The following KIF13B variants were observed in gnomAD, a reference collection of about 807,000 sequenced individuals.
KIF13B encodes kinesin-like protein KIF13B.
KIF13B carries 127 observed loss-of-function variants against 222.0 expected under a neutral mutation model. The observed-to-expected ratio is 0.57, with a 90% confidence interval of 0.50 to 0.66. The LOEUF is 0.66. Ranked by LOEUF, KIF13B falls within the 30% of genes least tolerant of loss-of-function variation. The pLI is 0.00. For synonymous variants in KIF13B, 976 were observed against 919.0 expected (o/e 1.06, Z -1.12); for missense variants, 2,173 against 2,379.0 (o/e 0.91, Z 1.80).
At chr8:29,209,708 G>A (rs1814120305) in intron 2 of KIF13B, among the ~76,000 whole-genome samples, 2 of 152,038 alleles carry the variant, frequency 1.3e-5, no homozygotes, top group Admixed American at 1.3e-4. Flanking sequence ...TGAGCATCAA[G>A]TACACTCTGA....
chr8:29,261,524 T>C (rs1816679521), intron 1 of KIF13B, among the ~76,000 whole-genome samples: 2 of 152,190 alleles, frequency 1.3e-5, no homozygotes, highest in Admixed American at 1.3e-4. Context: ...CCCAGATAAG[T>C]TATGTTTCAT....
chr8:29,262,120 A>G (rs549185051), intron 1 of KIF13B, among the ~76,000 whole-genome samples: 113 of 151,988 alleles, frequency 7.4e-4, no homozygotes, highest in African/African-American at 2.6e-3. Context: ...ATTTAAAGCA[A>G]CTCACCCAGT....
intron 1 of KIF13B, among the ~76,000 whole-genome samples, chr8:29,245,816 A>G (rs1815995994): frequency 6.6e-6 from 1 of 152,214 alleles, no homozygotes; most frequent in Non-Finnish European, 1.5e-5. Context: ...AACCGCTAAA[A>G]ATCTGAGAAT....
intron 2 of KIF13B, among the ~76,000 whole-genome samples, chr8:29,198,185 A>C (rs894553007): frequency 6.6e-6 from 1 of 152,260 alleles, no homozygotes; most frequent in Non-Finnish European, 1.5e-5. Context: ...TAATACATAA[A>C]AGAAAATAAT....
At chr8:29,236,212 C>T (rs962878601) in intron 2 of KIF13B, among the ~76,000 whole-genome samples, 1 of 152,132 alleles carries the variant, frequency 6.6e-6, no homozygotes, top group South Asian at 2.1e-4. Flanking sequence ...CTCCTCACAC[C>T]TATTTTAAAT....
chr8:29,251,383 A>C (rs2130676942), intron 1 of KIF13B, among the ~76,000 whole-genome samples: 1 of 152,354 alleles, frequency 6.6e-6, no homozygotes, highest in South Asian at 2.1e-4. Flanking sequence ...AGGCAACCCA[A>C]GCACCCACTG....
intron 22 of KIF13B, among the ~76,000 whole-genome samples, chr8:29,133,079 T>A (rs1810414794): frequency 6.6e-6 from 1 of 152,208 alleles, no homozygotes; most frequent in South Asian, 2.1e-4. Flanking sequence ...TGTAGTGAAG[T>A]ATTTTGGCTT....
At chr8:29,237,262 A>C (rs1431223881) in intron 2 of KIF13B, among the ~76,000 whole-genome samples, 1 of 152,126 alleles carries the variant, frequency 6.6e-6, no homozygotes, top group Non-Finnish European at 1.5e-5. Context: ...AGTACTGTCA[A>C]AAAAACTAAG....
At chr8:29,113,783 G>A (rs914360205) in intron 31 of KIF13B, among the ~76,000 whole-genome samples, 5 of 152,156 alleles carry the variant, frequency 3.3e-5, no homozygotes, top group African/African-American at 1.2e-4. Context: ...ACCCAACATA[G>A]GAAAAGTATA....
At chr8:29,143,848 AAAT>A (rs551324430) in intron 18 of KIF13B, among the ~76,000 whole-genome samples, 1,534 of 152,170 alleles carry the variant, frequency 0.01, 15 homozygotes, top group African/African-American at 0.021. Flanking sequence ...GTCTCAAAAA[AAAT>A]AATAATAATA....
At chr8:29,218,342 T>C (rs1814586879) in intron 2 of KIF13B, among the ~76,000 whole-genome samples, 2 of 152,224 alleles carry the variant, frequency 1.3e-5, no homozygotes, top group African/African-American at 4.8e-5. Flanking sequence ...GCTTTCCTCA[T>C]AAGCCGCACC....
At chr8:29,211,930 T>C (rs999025709) in intron 2 of KIF13B, among the ~76,000 whole-genome samples, 5 of 152,240 alleles carry the variant, frequency 3.3e-5, no homozygotes, top group African/African-American at 1.2e-4. Context: ...TTTCTGGACA[T>C]TTCATATAAA....
At chr8:29,124,231 T>C (rs1396120044) in intron 26 of KIF13B, 108 bp from the exon 27 acceptor site, 8 of 625,124 alleles carry the variant, frequency 1.3e-5, no homozygotes, top group African/African-American at 1.8e-5. Flanking sequence ...GGTAAGGTAG[T>C]ATACAATAAT....
intron 18 of KIF13B, among the ~76,000 whole-genome samples, chr8:29,144,805 A>G (rs368057007): frequency 2.0e-5 from 3 of 152,220 alleles, no homozygotes; most frequent in East Asian, 3.8e-4. Flanking sequence ...ACAACTTTTC[A>G]AATACCAAAA....
rs189014164 is a variant in KIF13B at position 29,071,481 on chromosome 8, G to A, written c.5218+139C>T. ...CAGCCTCACCCCTGCAGGCCCAGCCGCTCCCGCAGCTTCAGCCAAGCCGCT... is the reference window on the plus strand; with the variant it reads ...CAGCCTCACCCCTGCAGGCCCAGCCACTCCCGCAGCTTCAGCCAAGCCGCT... On this transcript the variant is annotated intron_variant, in intron 39 of 39. Coordinates refer to ENST00000524189, the MANE Select transcript of KIF13B (RefSeq NM_015254.4). This position sits in a 1 kb window ranked among gnomAD's most constrained non-coding sequence, Gnocchi z 4.9. 1.4e-5 allele frequency: 10 copies of A among 720,258 alleles called. No homozygotes were observed. The East Asian group carries it at 1.6e-4, about 12-fold the overall frequency. 44.6% of individuals were successfully genotyped at this position (720,258 alleles called of 1,614,324 possible).
intron 38 of KIF13B, among the ~76,000 whole-genome samples, 162 bp from the exon 39 acceptor site, chr8:29,072,478 A>G (rs1440632838): frequency 6.6e-6 from 1 of 152,180 alleles, no homozygotes; most frequent in Non-Finnish European, 1.5e-5. Flanking sequence ...TGAGCCCAGG[A>G]GTTCAAGAAC....
chr8:29,192,368 C>A (rs1301371947), intron 3 of KIF13B, among the ~76,000 whole-genome samples: 1 of 152,178 alleles, frequency 6.6e-6, no homozygotes, highest in Admixed American at 6.5e-5. Flanking sequence ...TATGTCACTT[C>A]AGCCCTCGCT....
intron 21 of KIF13B, among the ~76,000 whole-genome samples, chr8:29,135,827 C>T (rs1339442177): frequency 2.6e-5 from 4 of 152,118 alleles, no homozygotes; most frequent in Non-Finnish European, 5.9e-5. Flanking sequence ...ACCCGGGAGG[C>T]GGAGGTTGCA....
At chr8:29,236,785 T>C (rs979787454) in intron 2 of KIF13B, among the ~76,000 whole-genome samples, 2 of 152,178 alleles carry the variant, frequency 1.3e-5, no homozygotes, top group African/African-American at 2.4e-5. Context: ...ACGCTTTTCT[T>C]TGTAAAAGAA....
Sources: gnomAD v4.1 joint callset for allele counts (sites outside exome capture counted in the v4.1 genomes callset) on GRCh38, gnomAD v4.1.1 for gene constraint, Gnocchi (gnomAD v3.1) non-coding constraint, MANE v1.5 for transcripts, NCBI Gene and HGNC (gene_info 2026-07-23, HGNC 2026-07-21) for gene names.